CFAP69: variants seen among roughly 807,000 people sequenced by gnomAD.
The protein encoded by CFAP69 is cilia- and flagella-associated protein 69.
In CFAP69, 92 loss-of-function variants were observed where a neutral mutation model predicts 123.0. That is an observed-to-expected ratio of 0.75 (90% CI 0.63 to 0.89). CFAP69 has a LOEUF of 0.89. Among genes scored for constraint, CFAP69 ranks in the 40% least tolerant of loss-of-function variants. The pLI is 0.00. For synonymous variants in CFAP69, 380 were observed against 364.3 expected, an observed-to-expected ratio of 1.04 and a Z score of -0.49; for missense variants, 1,067 against 1,096.9, an observed-to-expected ratio of 0.97 and a Z score of 0.39.
chr7:90,297,675 G>A, intron 15 of CFAP69, 74 bp from the exon 16 acceptor site: 1 of 887,208 alleles, frequency 1.1e-6, no homozygotes, highest in Non-Finnish European at 1.7e-6. Flanking sequence ...AAAATGCTTT[G>A]ATAAAGATAA....
downstream of CFAP69, among the ~76,000 whole-genome samples, chr7:90,313,961 G>A (rs1010355227): frequency 1.2e-4 from 18 of 152,188 alleles, no homozygotes; most frequent in Non-Finnish European, 2.2e-4. Flanking sequence ...TCACGTCAAT[G>A]ACATGTGCCT....
chr7:90,255,389 T>A (rs762353742), intron 1 of CFAP69, 34 bp from the exon 2 acceptor site: 1 of 1,543,094 alleles, frequency 6.5e-7, no homozygotes, highest in Non-Finnish European at 8.9e-7. Context: ...ATATAGAAGA[T>A]GATCTAGAAT....
intron 19 of CFAP69, among the ~76,000 whole-genome samples, chr7:90,306,239 A>G (rs1044879579): frequency 2.6e-5 from 4 of 151,808 alleles, no homozygotes; most frequent in Admixed American, 1.3e-4. Flanking sequence ...CTTATCATAG[A>G]TATATAATTT....
intron 4 of CFAP69, 47 bp downstream of exon 4, chr7:90,262,103 TTATTA>T: frequency 8.3e-7 from 1 of 1,209,050 alleles, no homozygotes; most frequent in African/African-American, 1.6e-5. Context: ...ATGGAGTATT[TTATTA>T]TGTTTCTTAT....
rs1188211977 is a variant in CFAP69 at position 90,245,438 on chromosome 7, A to T, written c.14A>T (p.Glu5Val). 1.3e-6 allele frequency: 2 copies of T among 1,560,848 alleles called. No individual in the cohort carries two copies. Among genetic ancestry groups the T allele is most frequent in the Non-Finnish European group, 1.7e-6 (2 of 1,155,300 alleles). MWTE[E>V]AGATAEAQES... ...CCGCCACCGGCCATGTGGACAGAGG[A>T]AGCCGGGGCGACCGCCGAGGCCCAG... The change falls in exon 1 of 23, where the codon GAA (glutamate) becomes GTA (valine). Residue 5 changes from glutamate to valine, a missense_variant. Glu to Val is a moderately radical substitution (Grantham distance 121). Coordinates refer to ENST00000389297, the MANE Select transcript of CFAP69 (RefSeq NM_001039706.3).
chr7:90,282,924 G>T lies in CFAP69; in HGVS notation c.1405G>T (p.Gly469Cys), dbSNP rs374648496. ...PFFSHGNSFH[G>C]TGGRGNKFAQ... ...TTTCAGTCATGGTAACAGTTTTCAT[G>T]GTACAGGTGGCCGAGGCAACAAGTT... Residue 469 changes from glycine (G) to cysteine (C), a missense_variant, in exon 13 of 23, where the codon GGT becomes TGT. Coordinates refer to ENST00000389297, the MANE Select transcript of CFAP69 (RefSeq NM_001039706.3). The T allele has an allele frequency of 6.4e-7, 1 of 1,557,238 alleles. No individual in the cohort carries two copies. The highest frequency in any genetic ancestry group is 1.4e-5 in the African/African-American group (1 of 72,228).
chr7:90,318,480 C>A, the CFAP69 span: 2 of 151,974 alleles, frequency 1.3e-5, no homozygotes, highest in South Asian at 4.2e-4. Context: ...TTTCAGAAAC[C>A]ACAAAATATA....
At position 90,303,958 on chromosome 7, in the gene CFAP69, C is replaced by G; in HGVS notation, c.2051-11C>G. 6.5e-7 allele frequency: 1 copy of G among 1,542,938 alleles called. No homozygotes were observed. The highest frequency in any genetic ancestry group is 1.2e-5 in the South Asian group (1 of 82,158). On this transcript the variant is annotated splice_polypyrimidine_tract_variant and intron_variant, in intron 17 of 22. Coordinates refer to ENST00000389297, the MANE Select transcript of CFAP69 (RefSeq NM_001039706.3). Reference sequence around the variant, plus strand: ...TGTCCCTTTTCTATTTTCATGCTATCCAATGATTAGATACAAAAAAACCTC... The same window carrying G: ...TGTCCCTTTTCTATTTTCATGCTATGCAATGATTAGATACAAAAAAACCTC...
At chr7:90,311,469 A>G (rs1214172983), downstream of CFAP69, among the ~76,000 whole-genome samples, 8 of 152,244 alleles carry the variant, frequency 5.3e-5, no homozygotes, top group South Asian at 6.2e-4. Context: ...AAATACTGCC[A>G]CTATTACCAA....
rs1794025694 is a variant in CFAP69 at position 90,309,250 on chromosome 7, TA to T, written c.2551-8del. The T allele has an allele frequency of 7.7e-7, 1 of 1,299,024 alleles. No individual in the cohort carries two copies. The highest frequency in any genetic ancestry group is 1.1e-6 in the Non-Finnish European group (1 of 935,808). The allele number at this position is 1,299,024 out of a possible 1,614,324, so 80.5% of individuals were successfully genotyped here. A position where few individuals can be genotyped will look rare whatever the true frequency, so the allele number is the denominator to read the frequency against. ...AGCAATTAATATTTTCTTTCTAATT[TA>T]AAAATCCTCAGAAAGCAAAAAGCCT... On this transcript the variant is annotated splice_polypyrimidine_tract_variant and intron_variant, in intron 21 of 22. Transcript: ENST00000389297.
chr7:90,256,823 A>G (rs1797712309), intron 2 of CFAP69, among the ~76,000 whole-genome samples: 1 of 152,246 alleles, frequency 6.6e-6, no homozygotes, highest in Non-Finnish European at 1.5e-5. Context: ...AAGTATAGAC[A>G]ATATCACAGC....
At position 90,245,547 on chromosome 7, in the gene CFAP69, A is replaced by G. The variant is rs745592400; in HGVS notation, c.120+3A>G. ...TGACGGAGGACGATGAGGCGCAGGT[A>G]TGAGCAGGTGTCTGTGCTTTCAGAG... On this transcript the variant is annotated splice_donor_region_variant and intron_variant, in intron 1 of 22. Transcript: ENST00000389297. 12 of 1,497,498 alleles carry G rather than the reference A, an allele frequency of 8.0e-6. No individual in the cohort carries two copies. The Admixed American group carries it at 2.8e-4, about 35-fold the overall frequency. 92.8% of individuals were successfully genotyped at this position (1,497,498 alleles called of 1,614,324 possible).
chr7:90,255,544 G>A (rs959370924), intron 2 of CFAP69, 62 bp downstream of exon 2: 1 of 1,259,686 alleles, frequency 7.9e-7, no homozygotes, highest in Non-Finnish European at 1.2e-6. Context: ...TCCCTGAAAG[G>A]TAACATATAT....
At chr7:90,272,276 C>G (rs1318562146) in intron 8 of CFAP69, 1 of 191,732 alleles carries the variant, frequency 5.2e-6, no homozygotes, top group East Asian at 1.3e-4. Flanking sequence ...TTACTATCTC[C>G]CAGATATTGC....
intron 4 of CFAP69, 29 bp downstream of exon 4, chr7:90,262,085 G>A: frequency 7.6e-7 from 1 of 1,321,140 alleles, no homozygotes; most frequent in Middle Eastern, 1.8e-4. Flanking sequence ...ACTTTATTTT[G>A]TAGTAACATG....
intron 13 of CFAP69, among the ~76,000 whole-genome samples, chr7:90,285,368 A>G (rs996776786): frequency 1.3e-5 from 2 of 152,114 alleles, no homozygotes; most frequent in Non-Finnish European, 2.9e-5. Context: ...ATAGCTCCAT[A>G]CTTTCCCACT....
intron 8 of CFAP69, among the ~76,000 whole-genome samples, chr7:90,273,483 T>C (rs757065437): frequency 1.3e-5 from 2 of 152,204 alleles, no homozygotes; most frequent in African/African-American, 2.4e-5. Flanking sequence ...GATTCTTATC[T>C]GGTACATAGA....
rs753213245 is a variant in CFAP69 at position 90,274,024 on chromosome 7, G to C, written c.898G>C (p.Gly300Arg). 1 of 1,604,332 alleles carries C rather than the reference G, an allele frequency of 6.2e-7. No homozygotes were observed. The highest frequency in any genetic ancestry group is 8.5e-7 in the Non-Finnish European group (1 of 1,176,322). The change falls in exon 9 of 23, where the codon GGT (glycine) becomes CGT (arginine). Residue 300 changes from glycine to arginine, a missense_variant. By Grantham distance (125) the Gly-to-Arg change is moderately radical (BLOSUM62 -2). Coordinates refer to ENST00000389297, the MANE Select transcript of CFAP69 (RefSeq NM_001039706.3). ...KEVFKNLFMR[G>R]FSHYDRQLRN... ...AGTATTTAAAAATCTGTTTATGAGA[G>C]GTTTCAGTCATTATGACCGTCAGCT... is the stretch of plus-strand genomic sequence containing the variant.
intron 2 of CFAP69, among the ~76,000 whole-genome samples, 195 bp downstream of exon 2, chr7:90,255,677 GAAGAGAA>G (rs1222997701): frequency 6.6e-6 from 1 of 152,152 alleles, no homozygotes; most frequent in Non-Finnish European, 1.5e-5. Context: ...GAGACTGGAG[GAAGAGAA>G]TAGATTTGCT....
Sources: gnomAD v4.1 joint callset for allele counts (sites outside exome capture counted in the v4.1 genomes callset) on GRCh38, gnomAD v4.1.1 for gene constraint, MANE v1.5 for transcripts, NCBI Gene and HGNC (gene_info 2026-07-23, HGNC 2026-07-21) for gene names.